The following ASB8 variants were observed in gnomAD, a reference collection of about 807,000 sequenced individuals.
The protein encoded by ASB8 is ankyrin repeat and SOCS box protein 8.
A neutral mutation model predicts 22.9 loss-of-function variants in ASB8; 15 were observed. That is an observed-to-expected ratio of 0.66 (90% CI 0.44 to 1.01). ASB8 has a LOEUF of 1.01. Ranked by LOEUF, ASB8 falls within the 50% of genes least tolerant of loss-of-function variation. The probability of loss-of-function intolerance (pLI) is 0.00; values close to 1 mark genes in which losing one functional copy is unlikely to be tolerated. For synonymous variants in ASB8, 124 were observed against 140.8 expected (o/e 0.88, Z 0.84); for missense variants, 294 against 356.9 (o/e 0.82, Z 1.42).
rs1162339660 is a variant in ASB8, at chr12:48,152,462, A to G, written c.129+906T>C. Among the ~76,000 whole-genome samples, 3 of 152,238 alleles carry G rather than the reference A, an allele frequency of 2.0e-5. No homozygotes were observed. In the East Asian group the frequency reaches 5.8e-4, roughly 29 times the overall value. On this transcript the variant is annotated intron_variant, in intron 2 of 3. Transcript: ENST00000317697. ...AACTTCTCTTCAACAAGAAAAATAA[A>G]TAGAAGAGGATAGTAAAGACCTTCT...
intron 2 of ASB8, among the ~76,000 whole-genome samples, chr12:48,152,401 C>A (rs1249765495): frequency 2.0e-5 from 3 of 152,134 alleles, no homozygotes; most frequent in Non-Finnish European, 4.4e-5. Flanking sequence ...CACAAGTAAC[C>A]ATCTGGATGC....
At chr12:48,150,269 C>T (rs2136075698) in intron 3 of ASB8, 1 of 687,028 alleles carries the variant, frequency 1.5e-6, no homozygotes, top group East Asian at 2.7e-5. Flanking sequence ...CTGCAATGTT[C>T]TTTTATCTAT....
At position 48,153,518 on chromosome 12, in the gene ASB8, G is replaced by A; in HGVS notation, c.-22C>T. The A allele has an allele frequency of 1.9e-6, 3 of 1,612,026 alleles. No homozygotes were observed. The highest frequency in any genetic ancestry group is 2.5e-6 in the Non-Finnish European group (3 of 1,178,588). ...TCATCAAGGCTCAAGGTGTTCACAT[G>A]CTCCAAACTGCCTGAAACAAAGAAG... On this transcript the variant is annotated 5_prime_UTR_variant, in exon 2 of 4. Coordinates refer to ENST00000317697, the MANE Select transcript of ASB8 (RefSeq NM_024095.5).
Position 48,149,242 on chromosome 12 carries a change from G to T in ASB8, c.*124C>A. ...GCTATGGAGGTTATTGTTGTGACATGTTGCTTCGAAATCTATAAACCACAC... is the reference window on the plus strand; with the variant it reads ...GCTATGGAGGTTATTGTTGTGACATTTTGCTTCGAAATCTATAAACCACAC... On this transcript the variant is annotated 3_prime_UTR_variant, in exon 4 of 4. Transcript: ENST00000317697. 1 of 1,073,602 alleles carries T rather than the reference G, an allele frequency of 9.3e-7. No homozygotes were observed. The highest frequency in any genetic ancestry group is 1.6e-5 in the African/African-American group (1 of 62,946). The allele number at this position is 1,073,602 out of a possible 1,614,324, so 66.5% of individuals were successfully genotyped here. A position where few individuals can be genotyped will look rare whatever the true frequency, so the allele number is the denominator to read the frequency against.
At position 48,153,450 on chromosome 12, in the gene ASB8, T is replaced by A. The variant is rs1951236641; in HGVS notation, c.47A>T (p.Tyr16Phe). ...TCGGATTAAGCGCTCGGAGAGAGAG[T>A]ATTTGCTCTGAATGCTCTGCATAAT... ...WYIMQSIQSK[Y>F]SLSERLIRTI... Residue 16 changes from tyrosine to phenylalanine, a missense_variant, in exon 2 of 4, where the codon TAC becomes TTC. Physicochemically the swap from Tyr to Phe is conservative, Grantham distance 22 (BLOSUM62 3). Coordinates refer to ENST00000317697, the MANE Select transcript of ASB8 (RefSeq NM_024095.5). The A allele has an allele frequency of 5.6e-6, 9 of 1,612,868 alleles. No homozygotes were observed. The highest frequency in any genetic ancestry group is 2.2e-5 in the South Asian group (2 of 91,056).
At chr12:48,152,561 A>G (rs1000552689) in intron 2 of ASB8, among the ~76,000 whole-genome samples, 1 of 152,236 alleles carries the variant, frequency 6.6e-6, no homozygotes, top group African/African-American at 2.4e-5. Flanking sequence ...TTCTTAAACT[A>G]TAATTACCAT....
At chr12:48,153,167 A>G in intron 2 of ASB8, 1 of 571,814 alleles carries the variant, frequency 1.7e-6, no homozygotes, top group African/African-American at 1.9e-5. Context: ...GAAGAAAAAT[A>G]TCAGATACAC....
intron 1 of ASB8, among the ~76,000 whole-genome samples, chr12:48,154,531 G>C (rs1455034583): frequency 6.6e-6 from 1 of 150,386 alleles, no homozygotes; most frequent in Non-Finnish European, 1.5e-5. Flanking sequence ...TCTAAAATAG[G>C]TAAGGAAAGC....
At chr12:48,151,897 A>C in intron 2 of ASB8, among the ~76,000 whole-genome samples, 1 of 152,204 alleles carries the variant, frequency 6.6e-6, no homozygotes, top group Non-Finnish European at 1.5e-5. Context: ...CACACCTGTA[A>C]TCCCAGCACT....
rs1180825777 is a variant in ASB8, at chr12:48,153,390, T to A, written c.107A>T (p.Asn36Ile). The change falls in exon 2 of 4, where the codon AAT becomes ATT. Residue 36 changes from asparagine (N) to isoleucine (I), a missense_variant. Asn to Ile is a moderately radical substitution (Grantham distance 149, BLOSUM62 -3). Transcript: ENST00000317697. ...IAAIRSFPHD[N>I]VEDLIRGGAD... ...CACCCCTCTGATGAGGTCCTCTACA[T>A]TATCATGTGGGAAGGAACGGATGGC... is the stretch of plus-strand genomic sequence containing the variant. 1.9e-6 allele frequency: 3 copies of A among 1,613,998 alleles called. No individual in the cohort carries two copies. The highest frequency in any genetic ancestry group is 3.3e-4 in the Middle Eastern group (2 of 6,060).
intron 1 of ASB8, among the ~76,000 whole-genome samples, chr12:48,155,246 G>A (rs1021659809): frequency 2.6e-4 from 40 of 152,224 alleles, no homozygotes; most frequent in South Asian, 2.1e-4. Flanking sequence ...AGAAATCTGT[G>A]TTCTTATTAT....
intron 2 of ASB8, chr12:48,151,755 G>T: frequency 1.5e-6 from 1 of 670,742 alleles, no homozygotes; most frequent in Non-Finnish European, 2.3e-6. Context: ...ATTAATAGTG[G>T]CATCATCTTA....
At position 48,149,628 on chromosome 12, in the gene ASB8, T is replaced by A; in HGVS notation, c.605A>T (p.Glu202Val). 1 of 1,614,170 alleles carries A rather than the reference T, an allele frequency of 6.2e-7. No individual in the cohort carries two copies. Among genetic ancestry groups the A allele is most frequent in the Non-Finnish European group, 8.5e-7 (1 of 1,180,030 alleles). The change falls in exon 4 of 4, where the codon GAG becomes GTG. Residue 202 changes from glutamate to valine, a missense_variant. By Grantham distance (121) the Glu-to-Val change is moderately radical. Transcript: ENST00000317697. ...VALLVRGLGT[E>V]KEDSCFELLH... ...GAGCTCAAAGCAAGAGTCCTCTTTC[T>A]CTGTTCCAAGTCCCCTGACTAGCAG...
intron 3 of ASB8, chr12:48,150,978 G>C (rs1031212821): frequency 1.7e-6 from 1 of 602,720 alleles, no homozygotes; most frequent in African/African-American, 1.9e-5. Flanking sequence ...CATACAATGG[G>C]GGCAAGCAGG....
intron 1 of ASB8, chr12:48,153,769 CG>C: frequency 3.9e-6 from 1 of 254,038 alleles, no homozygotes; most frequent in East Asian, 8.4e-5. Context: ...CTAAGACCCC[CG>C]TGGAGCTCTG....
At chr12:48,152,058 A>C (rs182506103) in intron 2 of ASB8, among the ~76,000 whole-genome samples, 24 of 152,086 alleles carry the variant, frequency 1.6e-4, no homozygotes, top group Non-Finnish European at 3.4e-4. Context: ...AGGCTGAGGC[A>C]GGAGAATCGC....
intron 1 of ASB8, chr12:48,157,037 T>C (rs2136085020): frequency 6.8e-6 from 1 of 147,852 alleles, no homozygotes; most frequent in East Asian, 2.0e-4. Flanking sequence ...ACAACAGCTC[T>C]GATGCGAGGG....
rs765472552 is a variant in ASB8, at chr12:48,149,997, A to G, written c.236T>C (p.Val79Ala). ...VELLLEKGAE[V>A]NALDGYNRTA... ...TCGGTTATACCCATCCAGGGCATTC[A>G]CCTGTAAAAAGGGAGGAACTATTAC... is the stretch of plus-strand genomic sequence containing the variant. Residue 79 changes from valine to alanine, a missense_variant and splice_region_variant, in exon 4 of 4, where the codon GTG becomes GCG. Coordinates refer to ENST00000317697, the MANE Select transcript of ASB8 (RefSeq NM_024095.5). 2.8e-5 allele frequency: 45 copies of G among 1,612,024 alleles called. No individual in the cohort carries two copies. The highest frequency in any genetic ancestry group is 3.5e-5 in the Non-Finnish European group (41 of 1,178,450).
chr12:48,148,550 G>A lies in ASB8; in HGVS notation c.*816C>T, dbSNP rs773876314. 2 of 151,386 alleles carry A rather than the reference G, an allele frequency of 1.3e-5. No individual in the cohort carries two copies. The highest frequency in any genetic ancestry group is 2.9e-5 in the Non-Finnish European group (2 of 67,978). The allele number at this position is 151,386 out of a possible 1,614,324, so 9.4% of individuals were successfully genotyped here. On this transcript the variant is annotated 3_prime_UTR_variant, in exon 4 of 4. Coordinates refer to ENST00000317697, the MANE Select transcript of ASB8 (RefSeq NM_024095.5). Reference sequence around the variant, plus strand: ...CACAGTAGGGATGTCATCCAGCCCAGTTCTGGATCTGCACCATTTGAGGTT... The same window carrying A: ...CACAGTAGGGATGTCATCCAGCCCAATTCTGGATCTGCACCATTTGAGGTT...
Sources: allele counts gnomAD v4.1 joint callset (sites outside exome capture counted in the v4.1 genomes callset), GRCh38; gene constraint gnomAD v4.1.1; transcripts MANE v1.5; gene names NCBI Gene and HGNC (gene_info 2026-07-23, HGNC 2026-07-21).